SHISA6: variants seen among roughly 807,000 people sequenced by gnomAD.
SHISA6 encodes the protein shisa family member 6, also known as protein shisa-6.
A neutral mutation model predicts 47.9 loss-of-function variants in SHISA6; 22 were observed. That is an observed-to-expected ratio of 0.46 (90% CI 0.33 to 0.66). The LOEUF (loss-of-function observed/expected upper bound fraction) is 0.66. Ranked by LOEUF, SHISA6 falls within the 30% of genes least tolerant of loss-of-function variation. The pLI is 0.02. For synonymous variants in SHISA6, 388 were observed against 337.8 expected (o/e 1.15, Z -1.63); for missense variants, 680 against 764.6 (o/e 0.89, Z 1.30).
At chr17:11,271,601 C>CTTTTTTTTTTTTT (rs770845288) in intron 2 of SHISA6, among the ~76,000 whole-genome samples, 3 of 99,690 alleles carry the variant, frequency 3.0e-5, no homozygotes, top group African/African-American at 1.3e-4. Flanking sequence ...CCACGCCTGG[C>CTTTTTTTTTTTTT]TTTTTTTTTT....
In SHISA6 at chr17:11,557,966, A is replaced by C. The variant is rs1260917445; in HGVS notation, c.1318A>C (p.Ile440Leu). The change falls in exon 6 of 6, where the codon ATC becomes CTC. Residue 440 changes from isoleucine to leucine, a missense_variant. By Grantham distance (5) the Ile-to-Leu change is conservative (BLOSUM62 2). Coordinates refer to ENST00000441885, the MANE Select transcript of SHISA6 (RefSeq NM_207386.4). ...TGAGTTCAGCATGCCCTACGACCGC[A>C]TCCTGTCCGACGAGCAGCTGCTCTC... ...PDEFSMPYDR[I>L]LSDEQLLSTE... 1.3e-6 allele frequency: 2 copies of C among 1,551,446 alleles called. No individual in the cohort carries two copies. Among genetic ancestry groups the C allele is most frequent in the South Asian group, 2.4e-5 (2 of 84,038 alleles).
intron 2 of SHISA6, among the ~76,000 whole-genome samples, chr17:11,306,809 C>T (rs1287416960): frequency 3.3e-5 from 5 of 152,186 alleles, no homozygotes; most frequent in African/African-American, 7.2e-5. Flanking sequence ...TCCTAGACAT[C>T]GCTCTTAAAT....
chr17:11,355,638 T>G (rs1311574741), intron 2 of SHISA6, among the ~76,000 whole-genome samples: 9 of 152,180 alleles, frequency 5.9e-5, no homozygotes, highest in Non-Finnish European at 7.3e-5. Context: ...AACACACTGA[T>G]CTCTGCTTTT....
chr17:11,324,966 T>C (rs1296012207), intron 2 of SHISA6, among the ~76,000 whole-genome samples: 2 of 152,082 alleles, frequency 1.3e-5, no homozygotes, highest in Non-Finnish European at 2.9e-5. Context: ...CTGCCCCAGA[T>C]CTTCCTTTTG....
intron 2 of SHISA6, among the ~76,000 whole-genome samples, chr17:11,379,193 T>G (rs1353464953): frequency 1.3e-5 from 2 of 148,360 alleles, no homozygotes; most frequent in East Asian, 3.9e-4. Context: ...TATATAATTA[T>G]ATATGTGTAT....
intron 3 of SHISA6, among the ~76,000 whole-genome samples, chr17:11,452,640 TC>T: frequency 5.6e-5 from 1 of 17,764 alleles, no homozygotes; most frequent in Non-Finnish European, 1.1e-4. Flanking sequence ...TTTCTCCTCC[TC>T]TTCCTCTCCT....
At chr17:11,319,689 A>T (rs9899695) in intron 2 of SHISA6, among the ~76,000 whole-genome samples, 1 of 152,144 alleles carries the variant, frequency 6.6e-6, no homozygotes, top group Non-Finnish European at 1.5e-5. Flanking sequence ...TGATTATTCA[A>T]ATTCTTCTAA....
At chr17:11,416,857 T>G (rs1914295957) in intron 3 of SHISA6, among the ~76,000 whole-genome samples, 1 of 152,124 alleles carries the variant, frequency 6.6e-6, no homozygotes, top group African/African-American at 2.4e-5. Context: ...ATGTCTGACT[T>G]AACCCTTTCA....
At chr17:11,447,695 T>G (rs1240338366) in intron 3 of SHISA6, among the ~76,000 whole-genome samples, 3 of 152,236 alleles carry the variant, frequency 2.0e-5, no homozygotes, top group Admixed American at 6.5e-5. Flanking sequence ...TCGGATGGAT[T>G]GACAGCAGAG....
intron 3 of SHISA6, among the ~76,000 whole-genome samples, chr17:11,523,264 C>T (rs140273072): frequency 3.9e-5 from 6 of 152,284 alleles, no homozygotes; most frequent in East Asian, 1.9e-4. Flanking sequence ...CCGTTGGCTC[C>T]GATCGGATTT....
intron 2 of SHISA6, among the ~76,000 whole-genome samples, chr17:11,369,966 G>A (rs577759780): frequency 1.9e-4 from 29 of 152,156 alleles, no homozygotes; most frequent in Non-Finnish European, 4.0e-4. Context: ...ACTGACTTTA[G>A]TCCCCACTTA....
In SHISA6 at chr17:11,557,879, C is replaced by T. The variant is rs77429110; in HGVS notation, c.1231C>T (p.Arg411Cys). ...QQKPLPRERP[R>C]RPIRAMSQDR... ...GAAGCCGTTGCCAAGGGAACGACCC[C>T]GCCGGCCCATCCGGGCCATGTCCCA... is the stretch of plus-strand genomic sequence containing the variant. The change falls in exon 6 of 6, where the codon CGC becomes TGC. Residue 411 changes from arginine to cysteine, a missense_variant. By Grantham distance (180) the Arg-to-Cys change is radical (BLOSUM62 -3). Around this residue, in one of 2 missense-constraint regions of SHISA6, gnomAD observed 559 missense variants for 674.1 expected, o/e 0.83. Transcript: ENST00000441885. The T allele has an allele frequency of 3.8e-5, 59 of 1,551,544 alleles. No individual in the cohort carries two copies. The highest frequency in any genetic ancestry group is 5.5e-5 in the African/African-American group (4 of 73,178).
chr17:11,531,614 A>G (rs759962502), intron 3 of SHISA6, among the ~76,000 whole-genome samples: 9 of 152,186 alleles, frequency 5.9e-5, no homozygotes, highest in Admixed American at 2.6e-4. Context: ...GAGTTGCTAT[A>G]AAGATTAAAT....
At chr17:11,500,562 G>A (rs1233627417) in intron 3 of SHISA6, among the ~76,000 whole-genome samples, 1 of 152,180 alleles carries the variant, frequency 6.6e-6, no homozygotes, top group African/African-American at 2.4e-5. Flanking sequence ...TCCAGTCCAG[G>A]CCACGTTTTA....
chr17:11,413,683 C>T (rs1187536569), intron 3 of SHISA6, among the ~76,000 whole-genome samples: 1 of 152,124 alleles, frequency 6.6e-6, no homozygotes, highest in East Asian at 1.9e-4. Context: ...CACAGGCTCA[C>T]TTGGGCTTGT....
chr17:11,286,614 G>A (rs1283384534), intron 2 of SHISA6, among the ~76,000 whole-genome samples: 6 of 152,130 alleles, frequency 3.9e-5, no homozygotes, highest in African/African-American at 1.4e-4. Context: ...TGTTTCTGGG[G>A]AATCACGGAA....
intron 2 of SHISA6, among the ~76,000 whole-genome samples, chr17:11,276,378 CTGGAATGTCAG>C (rs1908893176): frequency 6.6e-6 from 1 of 152,098 alleles, no homozygotes; most frequent in Non-Finnish European, 1.5e-5. Context: ...GGGACTTGGA[CTGGAATGTCAG>C]TGATGGAAGA....
chr17:11,260,442 C>G (rs966111237), intron 1 of SHISA6, among the ~76,000 whole-genome samples: 8 of 152,054 alleles, frequency 5.3e-5, no homozygotes, highest in African/African-American at 1.9e-4. Flanking sequence ...TGCTGACAGC[C>G]TGTCGTGTCC....
chr17:11,407,102 T>TA (rs1272841261), intron 3 of SHISA6, among the ~76,000 whole-genome samples: 3 of 152,118 alleles, frequency 2.0e-5, no homozygotes, highest in Non-Finnish European at 4.4e-5. Context: ...AGCTAGCACT[T>TA]ATAGAGCGTT....
Sources: gnomAD v4.1 joint callset for allele counts (sites outside exome capture counted in the v4.1 genomes callset) on GRCh38, gnomAD v4.1.1 for gene constraint, gnomAD v4.1.1 regional missense constraint, MANE v1.5 for transcripts, NCBI Gene and HGNC (gene_info 2026-07-23, HGNC 2026-07-21) for gene names.